Variants in CDH4 observed in about 807,000 individuals in gnomAD.
CDH4 encodes the protein cadherin 4, also known as cadherin-4.
A neutral mutation model predicts 86.0 loss-of-function variants in CDH4; 33 were observed. The ratio of observed to expected loss-of-function variants is 0.38; its 90% CI spans 0.29 to 0.51. The LOEUF (loss-of-function observed/expected upper bound fraction) is 0.51, where lower values mean the gene tolerates loss of function less well. Among genes scored for constraint, CDH4 ranks in the 20% least tolerant of loss-of-function variants. The probability of loss-of-function intolerance (pLI) is 0.86; values close to 1 mark genes in which losing one functional copy is unlikely to be tolerated. For synonymous variants in CDH4, 555 were observed against 549.4 expected, an observed-to-expected ratio of 1.01 and a Z score of -0.14; for missense variants, 1,114 against 1,307.4, an observed-to-expected ratio of 0.85 and a Z score of 2.28.
At chr20:61,618,493 G>A (rs1455955970) in intron 2 of CDH4, among the ~76,000 whole-genome samples, 1 of 152,196 alleles carries the variant, frequency 6.6e-6, no homozygotes, top group Non-Finnish European at 1.5e-5. Context: ...ATGCCCGGGG[G>A]CAGGAGCGGG....
chr20:61,375,834 G>GATA (rs1244379621), intron 2 of CDH4, among the ~76,000 whole-genome samples: 2 of 7,628 alleles, frequency 2.6e-4, no homozygotes, highest in Admixed American at 1.5e-3. Context: ...TGGTGGTGGT[G>GATA]ATGGTGTGGT....
intron 2 of CDH4, among the ~76,000 whole-genome samples, chr20:61,382,486 C>T (rs2145448542): frequency 6.6e-6 from 1 of 152,322 alleles, no homozygotes; most frequent in South Asian, 2.1e-4. Context: ...GCCATGGGCC[C>T]TCCTGAAAAG....
intron 9 of CDH4, among the ~76,000 whole-genome samples, chr20:61,918,392 G>A (rs1197504254): frequency 1.3e-5 from 2 of 152,184 alleles, no homozygotes; most frequent in Non-Finnish European, 2.9e-5. Context: ...TGGTGAACAA[G>A]GGGGTGCCCA....
chr20:61,825,328 G>A (rs184620630), intron 4 of CDH4, among the ~76,000 whole-genome samples: 47 of 152,288 alleles, frequency 3.1e-4, no homozygotes, highest in Admixed American at 2.7e-3. Context: ...AGAATTGCTT[G>A]AACCTGGGAG....
rs1225632123 is a variant in CDH4 at position 61,277,655 on chromosome 20, AT to A, written c.169+22720del. Among the ~76,000 whole-genome samples, 9 of 152,380 alleles carry A rather than the reference AT, an allele frequency of 5.9e-5. No individual in the cohort carries two copies. The East Asian group carries it at 1.5e-3, about 26-fold the overall frequency. On this transcript the variant is annotated intron_variant, in intron 2 of 15. Coordinates refer to ENST00000614565, the MANE Select transcript of CDH4 (RefSeq NM_001794.5). ...AGTATGTTTTATTTTGCACCTGTGTATTCGGGCTTGCTCGGTTTATTTATTA... is the reference window on the plus strand; with the variant it reads ...AGTATGTTTTATTTTGCACCTGTGTATCGGGCTTGCTCGGTTTATTTATTA...
At chr20:61,256,472 C>T (rs75577576) in intron 2 of CDH4, among the ~76,000 whole-genome samples, 4,779 of 152,294 alleles carry the variant, frequency 0.031, 108 homozygotes, top group Non-Finnish European at 0.048. Context: ...GATCTCTTCC[C>T]TTTCATGGTG....
At chr20:61,695,130 G>A (rs925720977) in intron 2 of CDH4, among the ~76,000 whole-genome samples, 1 of 152,218 alleles carries the variant, frequency 6.6e-6, no homozygotes, top group African/African-American at 2.4e-5. Context: ...TTGAAGCCGT[G>A]CCTCCAGATT....
chr20:61,329,675 TA>T (rs78527846), intron 2 of CDH4, among the ~76,000 whole-genome samples: 64,433 of 151,386 alleles, frequency 0.43, 13,829 homozygotes, highest in Middle Eastern at 0.51. Context: ...ATTGTCACTT[TA>T]AAAAAAAAAT....
chr20:61,649,231 C>A (rs938578104), intron 2 of CDH4, among the ~76,000 whole-genome samples: 1 of 152,134 alleles, frequency 6.6e-6, no homozygotes, highest in African/African-American at 2.4e-5. Context: ...CCCCACAGGG[C>A]CCCCCGAGCA....
intron 2 of CDH4, among the ~76,000 whole-genome samples, chr20:61,451,979 T>G (rs1327450261): frequency 6.6e-6 from 1 of 152,238 alleles, no homozygotes; most frequent in Non-Finnish European, 1.5e-5. Context: ...AAATGGAAAC[T>G]TGATTGTGAG....
At chr20:61,523,360 G>A (rs1473936364) in intron 2 of CDH4, among the ~76,000 whole-genome samples, 8 of 152,234 alleles carry the variant, frequency 5.3e-5, no homozygotes, top group South Asian at 2.1e-4. Context: ...GTGACCATGC[G>A]TTTGCCACGT....
At chr20:61,537,099 G>A (rs56853143) in intron 2 of CDH4, among the ~76,000 whole-genome samples, 3,060 of 152,310 alleles carry the variant, frequency 0.02, 102 homozygotes, top group African/African-American at 0.069. Flanking sequence ...CACTGGGGAT[G>A]CCAGGCGTCA....
At chr20:61,513,155 T>TG (rs1406773692) in intron 2 of CDH4, among the ~76,000 whole-genome samples, 2 of 152,124 alleles carry the variant, frequency 1.3e-5, no homozygotes, top group African/African-American at 4.8e-5. Context: ...CAGCTGCCAT[T>TG]GGCCCCTTCC....
chr20:61,739,091 C>G (rs921135974), intron 2 of CDH4: 1 of 152,286 alleles, frequency 6.6e-6, no homozygotes, highest in Non-Finnish European at 1.5e-5. Flanking sequence ...CTCCTGAAGA[C>G]TAATAGAGAA....
chr20:61,646,391 C>T (rs1344975179), intron 2 of CDH4, among the ~76,000 whole-genome samples: 1 of 152,206 alleles, frequency 6.6e-6, no homozygotes, highest in Non-Finnish European at 1.5e-5. Flanking sequence ...ACCTGACAGC[C>T]ACCCTTCTGA....
At chr20:61,733,708 T>TGAAAGAAA (rs201741443) in intron 2 of CDH4, among the ~76,000 whole-genome samples, 4 of 150,944 alleles carry the variant, frequency 2.6e-5, no homozygotes, top group Non-Finnish European at 4.4e-5. Context: ...AAAGAAAGAA[T>TGAAAGAAA]GAAAGAAAGA....
At chr20:61,873,365 G>C (rs868440897) in intron 6 of CDH4, among the ~76,000 whole-genome samples, 2 of 152,202 alleles carry the variant, frequency 1.3e-5, no homozygotes, top group African/African-American at 2.4e-5. Context: ...AAGCACCTTG[G>C]ACGCACTGTC....
Position 61,258,057 on chromosome 20 carries a change from C to T in CDH4, c.169+3120C>T, listed in dbSNP as rs543200551. Among the ~76,000 whole-genome samples the T allele has an allele frequency of 2.1e-3, 325 of 152,166 alleles. 2 individuals are homozygous for T. The highest frequency in any genetic ancestry group is 7.4e-3 in the African/African-American group (306 of 41,518). ...ATAGAAAGAGGAGCTTGGCTGGGTG[C>T]GGTGGCTCACGCCTGTAATCCCAGC... On this transcript the variant is annotated intron_variant, in intron 2 of 15. Transcript: ENST00000614565.
At chr20:61,554,004 A>G (rs1298057595) in intron 2 of CDH4, among the ~76,000 whole-genome samples, 1 of 152,102 alleles carries the variant, frequency 6.6e-6, no homozygotes, top group Non-Finnish European at 1.5e-5. Flanking sequence ...AGTGATTTCC[A>G]TCTGCTCTGA....
Sources: gnomAD v4.1 joint callset for allele counts (sites outside exome capture counted in the v4.1 genomes callset) on GRCh38, gnomAD v4.1.1 for gene constraint, MANE v1.5 for transcripts, NCBI Gene and HGNC (gene_info 2026-07-23, HGNC 2026-07-21) for gene names.